Variants in BBS4 observed in about 807,000 individuals in gnomAD.
BBS4 encodes Bardet-Biedl syndrome 4, also known as BBSome complex member BBS4.
A neutral mutation model predicts 71.4 loss-of-function variants in BBS4; 58 were observed. That is an observed-to-expected ratio of 0.81 (90% CI 0.66 to 1.01). BBS4 has a LOEUF of 1.01. Among genes scored for constraint, BBS4 ranks in the 50% least tolerant of loss-of-function variants. The pLI, the probability that BBS4 is intolerant of heterozygous loss-of-function variation, is 0.00. For missense variants in BBS4, 660 were observed against 607.9 expected, an observed-to-expected ratio of 1.09 and a Z score of -0.90; for synonymous variants, 228 against 216.8, an observed-to-expected ratio of 1.05 and a Z score of -0.46.
chr15:72,723,851 A>G (rs572248768), intron 7 of BBS4, among the ~76,000 whole-genome samples: 10 of 152,342 alleles, frequency 6.6e-5, no homozygotes, highest in Non-Finnish European at 1.0e-4. Context: ...GTCAGGGGAA[A>G]AGAAGGATTT....
At chr15:72,715,970 A>T (rs2065462118) in intron 5 of BBS4, among the ~76,000 whole-genome samples, 1 of 152,216 alleles carries the variant, frequency 6.6e-6, no homozygotes, top group African/African-American at 2.4e-5. Flanking sequence ...ATTGTGTTAG[A>T]TGGTTTTGCC....
chr15:72,715,272 A>G lies in BBS4; in HGVS notation c.221-19A>G, dbSNP rs1321044432. On this transcript the variant is annotated intron_variant, in intron 4 of 15. Coordinates refer to ENST00000268057, the MANE Select transcript of BBS4 (RefSeq NM_033028.5). ...AGAACATGGTTTTACTTTTTTTTGT[A>G]TTTTCTGTTTCTTGGCAGCATTGAT... 6.3e-7 allele frequency: 1 copy of G among 1,581,374 alleles called. No individual in the cohort carries two copies. Among genetic ancestry groups the G allele is most frequent in the Non-Finnish European group, 8.7e-7 (1 of 1,151,904 alleles).
chr15:72,724,717 C>T (rs1413691506), intron 8 of BBS4, 62 bp downstream of exon 8: 5 of 1,592,362 alleles, frequency 3.1e-6, no homozygotes, highest in East Asian at 4.5e-5. Flanking sequence ...GATATGTGAA[C>T]TCCCAAGCCT....
chr15:72,737,072 G>C lies in BBS4; in HGVS notation c.1450+109G>C, dbSNP rs140398380. The C allele has an allele frequency of 2.2e-6, 3 of 1,333,940 alleles. No homozygotes were observed. The Admixed American group carries it at 5.2e-5, about 23-fold the overall frequency. The allele number at this position is 1,333,940 out of a possible 1,614,324, so 82.6% of individuals were successfully genotyped here. A position where few individuals can be genotyped will look rare whatever the true frequency, so the allele number is the denominator to read the frequency against. ...TTCTCTTCAGACTCATATGTCCAACGTAGTATTGGCCACAAGGGGAGAAAA... is the reference window on the plus strand; with the variant it reads ...TTCTCTTCAGACTCATATGTCCAACCTAGTATTGGCCACAAGGGGAGAAAA... On this transcript the variant is annotated intron_variant, in intron 15 of 15. Transcript: ENST00000268057.
At chr15:72,688,411 C>CTTTTTTTTTTTTTTTTCTTTTTT (rs2064916222) in intron 1 of BBS4, among the ~76,000 whole-genome samples, 1 of 83,052 alleles carries the variant, frequency 1.2e-5, no homozygotes, top group Non-Finnish European at 2.1e-5. Context: ...GGTATTTTAT[C>CTTTTTTTTTTTTTTTTCTTTTTT]TTTTTTTTTT....
At chr15:72,734,510 G>C (rs148884049) in intron 12 of BBS4, among the ~76,000 whole-genome samples, 5 of 152,306 alleles carry the variant, frequency 3.3e-5, no homozygotes, top group African/African-American at 1.2e-4. Flanking sequence ...TGCGTACAGT[G>C]CAAGGACTTT....
At chr15:72,711,736 C>G (rs1207440217) in intron 3 of BBS4, among the ~76,000 whole-genome samples, 1 of 152,136 alleles carries the variant, frequency 6.6e-6, no homozygotes, top group Non-Finnish European at 1.5e-5. Context: ...AATCCCTGTT[C>G]TAGAAGAAGT....
intron 6 of BBS4, among the ~76,000 whole-genome samples, chr15:72,721,779 A>G (rs2065581928): frequency 6.6e-6 from 1 of 152,188 alleles, no homozygotes; most frequent in Non-Finnish European, 1.5e-5. Flanking sequence ...CTAATAGGGT[A>G]GTTCTTACTA....
In BBS4 at chr15:72,727,936, G is replaced by T; in HGVS notation, c.588-4G>T. 6.2e-7 allele frequency: 1 copy of T among 1,609,112 alleles called. No individual in the cohort carries two copies. Among genetic ancestry groups the T allele is most frequent in the Non-Finnish European group, 8.5e-7 (1 of 1,175,548 alleles). On this transcript the variant is annotated splice_region_variant and splice_polypyrimidine_tract_variant and intron_variant, in intron 8 of 15. Coordinates refer to ENST00000268057, the MANE Select transcript of BBS4 (RefSeq NM_033028.5). ...GTTTCCCTCTGAGCATCTCTATGTT[G>T]CAGGTTCTCACCAGAAAATACAGAG...
chr15:72,696,919 C>G (rs2065087059), intron 2 of BBS4, among the ~76,000 whole-genome samples: 1 of 151,192 alleles, frequency 6.6e-6, no homozygotes, highest in Non-Finnish European at 1.5e-5. Context: ...GCTTTTAAAC[C>G]TCATATAATG....
chr15:72,733,101 G>A (rs1300250996), intron 12 of BBS4, among the ~76,000 whole-genome samples: 1 of 152,156 alleles, frequency 6.6e-6, no homozygotes, highest in Non-Finnish European at 1.5e-5. Flanking sequence ...GGAATTAGCT[G>A]ACTGTGGGAG....
rs1439728758 is a variant in BBS4, at chr15:72,731,418, C to T, written c.825C>T (p.Asn275=). Residue 275 remains asparagine (N), a synonymous_variant, in exon 11 of 16, where the codon AAC becomes AAT. Coordinates refer to ENST00000268057, the MANE Select transcript of BBS4 (RefSeq NM_033028.5). The part of the protein sequence containing the change: ...AVPESPPLWN[N]IGMCFFGKKK... ...CAGAAAGTCCTCCACTCTGGAATAA[C>T]ATTGGAATGTGTTTCTTTGGCAAGA... is the stretch of plus-strand genomic sequence containing the variant. The T allele has an allele frequency of 1.2e-6, 2 of 1,614,018 alleles. No individual in the cohort carries two copies. Among genetic ancestry groups the T allele is most frequent in the African/African-American group, 2.7e-5 (2 of 74,902 alleles).
chr15:72,708,250 G>A (rs565098492), intron 2 of BBS4, among the ~76,000 whole-genome samples: 7 of 152,308 alleles, frequency 4.6e-5, no homozygotes, highest in African/African-American at 1.7e-4. Flanking sequence ...ACAGGCGTGA[G>A]CCACTGCACC....
Position 72,690,005 on chromosome 15 carries a change from T to G in BBS4, c.24+3754T>G, listed in dbSNP as rs575308532. ...TTTTGTATTTTTAGTAGAGACGGGGTTTCACCGTGTTAGCCAGGATGGTTT... is the reference window on the plus strand; with the variant it reads ...TTTTGTATTTTTAGTAGAGACGGGGGTTCACCGTGTTAGCCAGGATGGTTT... On this transcript the variant is annotated intron_variant, in intron 1 of 15. Transcript: ENST00000268057. 9.8e-4 allele frequency among the ~76,000 whole-genome samples: 149 copies of G among 151,920 alleles called. 2 individuals are homozygous for G. Among genetic ancestry groups the G allele is most frequent in the South Asian group, 4.0e-3 (19 of 4,804 alleles).
In BBS4 at chr15:72,725,819, CCCCCT is replaced by C. The variant is rs1595939461; in HGVS notation, c.587+1165_587+1169del. 6.4e-4 allele frequency among the ~76,000 whole-genome samples: 10 copies of C among 15,586 alleles called. 1 individual carries two copies. Among genetic ancestry groups the C allele is most frequent in the South Asian group, 0.01 (2 of 192 alleles). 10.2% of individuals were successfully genotyped at this position (15,586 alleles called of 152,430 possible). A position where few individuals can be genotyped will look rare whatever the true frequency, so the allele number is the denominator to read the frequency against. ...TCTTCCCCCATCCCCCTTCCCCCAT[CCCCCT>C]TTCCCCATCCCCCTTTCCCCATCCC... On this transcript the variant is annotated intron_variant, in intron 8 of 15. Transcript: ENST00000268057.
intron 2 of BBS4, among the ~76,000 whole-genome samples, chr15:72,705,638 G>T (rs1048610918): frequency 2.1e-4 from 26 of 125,520 alleles, no homozygotes; most frequent in Non-Finnish European, 1.6e-5. Flanking sequence ...TGTCACCCAG[G>T]TTGGAGTGCA....
chr15:72,729,520 G>T (rs2065770019), intron 9 of BBS4, 96 bp from the exon 10 acceptor site: 1 of 1,154,360 alleles, frequency 8.7e-7, no homozygotes. Context: ...AAAGTGCTGG[G>T]ATTATAGGCA....
chr15:72,715,651 T>C (rs555978244), intron 5 of BBS4, among the ~76,000 whole-genome samples: 2 of 152,320 alleles, frequency 1.3e-5, no homozygotes, highest in East Asian at 3.9e-4. Context: ...GGACCAATAT[T>C]GTTTATCATG....
At chr15:72,723,972 G>A (rs1316869656) in intron 7 of BBS4, among the ~76,000 whole-genome samples, 1 of 152,166 alleles carries the variant, frequency 6.6e-6, no homozygotes, top group Non-Finnish European at 1.5e-5. Flanking sequence ...TTGAATCTGT[G>A]AATGACTAAA....
Sources: gnomAD v4.1 joint callset for allele counts (sites outside exome capture counted in the v4.1 genomes callset) on GRCh38, gnomAD v4.1.1 for gene constraint, MANE v1.5 for transcripts, NCBI Gene and HGNC (gene_info 2026-07-23, HGNC 2026-07-21) for gene names.